The following BPIFC variants were observed in gnomAD, a reference collection of about 807,000 sequenced individuals.
The protein encoded by BPIFC is BPI fold containing family C, also known as BPI fold-containing family C protein.
Under a neutral mutation model 57.6 loss-of-function variants are expected in BPIFC, and 60 were observed. The observed-to-expected ratio is 1.04, with a 90% CI of 0.85 to 1.29. BPIFC has a LOEUF of 1.29. Ranked by LOEUF, BPIFC falls within the 50% of genes most tolerant of loss-of-function variation. The pLI, the probability that BPIFC is intolerant of heterozygous loss-of-function variation, is 0.00. For missense variants in BPIFC, 581 were observed against 600.5 expected, an observed-to-expected ratio of 0.97 and a Z score of 0.34; for synonymous variants, 243 against 224.5, an observed-to-expected ratio of 1.08 and a Z score of -0.74.
At chr22:32,416,303 G>A (rs1296056581) in intron 15 of BPIFC, among the ~76,000 whole-genome samples, 4 of 152,000 alleles carry the variant, frequency 2.6e-5, no homozygotes, top group South Asian at 2.1e-4. Context: ...GGCGTGTCTC[G>A]AACTCCTGAC....
chr22:32,431,439 A>ATTTATTTTTTTT, intron 12 of BPIFC, 25 bp from the exon 13 acceptor site: 2 of 1,343,068 alleles, frequency 1.5e-6, no homozygotes, highest in Non-Finnish European at 2.1e-6. Context: ...AGCATTTATT[A>ATTTATTTTTTTT]TTAAGACGAG....
rs938065223 is a variant in BPIFC, at chr22:32,433,790, T to C, written c.925-18A>G. ...TTGGAAATCTGGAAAATAAAGCCCATTATGTCACTGTTAGGATTTTACGTG... is the reference window on the plus strand; with the variant it reads ...TTGGAAATCTGGAAAATAAAGCCCACTATGTCACTGTTAGGATTTTACGTG... On this transcript the variant is annotated intron_variant, in intron 10 of 16. Coordinates refer to ENST00000300399, the MANE Select transcript of BPIFC (RefSeq NM_174932.3). 7 of 1,609,724 alleles carry C rather than the reference T, an allele frequency of 4.3e-6. No homozygotes were observed. The highest frequency in any genetic ancestry group is 6.0e-6 in the Non-Finnish European group (7 of 1,176,114).
intron 14 of BPIFC, among the ~76,000 whole-genome samples, chr22:32,417,480 G>A (rs1049915705): frequency 3.9e-5 from 6 of 152,126 alleles, no homozygotes; most frequent in African/African-American, 1.4e-4. Context: ...GCCAATCATG[G>A]GTGCTTCGAA....
chr22:32,419,813 A>G (rs1465274132), intron 13 of BPIFC, among the ~76,000 whole-genome samples: 1 of 151,178 alleles, frequency 6.6e-6, no homozygotes, highest in African/African-American at 2.4e-5. Context: ...CAAAAAAAAA[A>G]AAAAAAAAAA....
Position 32,435,789 on chromosome 22 carries a change from A to G in BPIFC, c.839T>C (p.Ile280Thr), listed in dbSNP as rs927652052. Residue 280 changes from isoleucine to threonine, a missense_variant, in exon 10 of 17, where the codon ATT becomes ACT. Transcript: ENST00000300399. Reference protein sequence around the residue: ...LPERSNSMLYIGIAEYFFKSA... With the variant: ...LPERSNSMLYTGIAEYFFKSA... ...TTTAAAGAAATACTCGGCGATTCCAATGTAGAGCATGGAGTTGCTGCGTTC... is the reference window on the plus strand; with the variant it reads ...TTTAAAGAAATACTCGGCGATTCCAGTGTAGAGCATGGAGTTGCTGCGTTC... 1 of 1,614,188 alleles carries G rather than the reference A, an allele frequency of 6.2e-7. No homozygotes were observed. Among genetic ancestry groups the G allele is most frequent in the Non-Finnish European group, 8.5e-7 (1 of 1,180,018 alleles).
intron 10 of BPIFC, among the ~76,000 whole-genome samples, chr22:32,434,376 T>C (rs540047579): frequency 6.7e-6 from 1 of 148,980 alleles, no homozygotes; most frequent in South Asian, 2.1e-4. Flanking sequence ...ACATATTCTT[T>C]ATTTATATAT....
At chr22:32,423,569 AGGGTGT>A (rs1244715810) in intron 13 of BPIFC, among the ~76,000 whole-genome samples, 4 of 98,448 alleles carry the variant, frequency 4.1e-5, no homozygotes, top group East Asian at 2.6e-4. Flanking sequence ...GAGGAGTTGT[AGGGTGT>A]GGGTGTGTGT....
chr22:32,421,277 G>T (rs1933839654), intron 13 of BPIFC, among the ~76,000 whole-genome samples: 1 of 152,172 alleles, frequency 6.6e-6, no homozygotes, highest in Admixed American at 6.5e-5. Flanking sequence ...ATACTATGAA[G>T]AAATAGTAAT....
chr22:32,427,397 C>A (rs1044141284), intron 13 of BPIFC, among the ~76,000 whole-genome samples: 2 of 152,144 alleles, frequency 1.3e-5, no homozygotes, highest in African/African-American at 2.4e-5. Context: ...TCCTTGAGAT[C>A]CTGCCAGTAA....
rs1381197876 is a variant in BPIFC, at chr22:32,437,811, G to A, written c.696C>T (p.Ser232=). The A allele has an allele frequency of 6.2e-7, 1 of 1,612,450 alleles. No individual in the cohort carries two copies. The highest frequency in any genetic ancestry group is 1.1e-5 in the South Asian group (1 of 91,022). ...CAGTAATTTCTGGAGAACTGATTAGGGAGTAATCCAGCAGAGTGTAGTTGT... is the reference window on the plus strand; with the variant it reads ...CAGTAATTTCTGGAGAACTGATTAGAGAGTAATCCAGCAGAGTGTAGTTGT... ...KIDNYTLLDY[S]LISSPEITEN... The change falls in exon 9 of 17, where the codon TCC becomes TCT. Residue 232 remains serine (S), a synonymous_variant. Coordinates refer to ENST00000300399, the MANE Select transcript of BPIFC (RefSeq NM_174932.3).
rs1223346653 is a variant in BPIFC at position 32,424,600 on chromosome 22, T to TCTTCTTCTTCTTCTCCTC, written c.1218-5197_1218-5196insGAGGAGAAGAAGAAGAAG. On this transcript the variant is annotated intron_variant, in intron 13 of 16. Transcript: ENST00000300399. ...TTCTTCTTCTTCTTCTTCTTCTTCT[T>TCTTCTTCTTCTTCTCCTC]CTCCTCCTCCTCCTCCTCCTCCTCC... Among the ~76,000 whole-genome samples the TCTTCTTCTTCTTCTCCTC allele has an allele frequency of 5.1e-5, 4 of 78,604 alleles. No individual in the cohort carries two copies. The East Asian group carries it at 1.6e-3, about 32-fold the overall frequency. The allele number at this position is 78,604 out of a possible 152,430, so 51.6% of individuals were successfully genotyped here.
chr22:32,434,573 CT>C (rs1437773133), intron 10 of BPIFC, among the ~76,000 whole-genome samples: 1 of 151,616 alleles, frequency 6.6e-6, no homozygotes, highest in Admixed American at 6.6e-5. Flanking sequence ...ATATTACAAT[CT>C]ATCTATGTAT....
At chr22:32,424,618 C>G (rs909401744) in intron 13 of BPIFC, among the ~76,000 whole-genome samples, 1 of 42,596 alleles carries the variant, frequency 2.3e-5, no homozygotes, top group Non-Finnish European at 4.2e-5. Context: ...TCCTCCTCCT[C>G]CTCCTCCTCC....
intron 1 of BPIFC, among the ~76,000 whole-genome samples, chr22:32,461,896 G>C (rs186933323): frequency 6.6e-6 from 1 of 152,116 alleles, no homozygotes; most frequent in Non-Finnish European, 1.5e-5. Context: ...AAAATAGGCC[G>C]GGCGTGGTGG....
intron 9 of BPIFC, among the ~76,000 whole-genome samples, chr22:32,436,681 A>C (rs1454488155): frequency 6.6e-6 from 1 of 152,198 alleles, no homozygotes; most frequent in Non-Finnish European, 1.5e-5. Context: ...ATTTAGCTGG[A>C]AGGACAACTC....
At position 32,413,991 on chromosome 22, in the gene BPIFC, G is replaced by C. The variant is rs1430611351; in HGVS notation, c.*312C>G. 5.1e-6 allele frequency: 1 copy of C among 196,072 alleles called. No homozygotes were observed. The highest frequency in any genetic ancestry group is 1.4e-4 in the East Asian group (1 of 7,310). 12.1% of individuals were successfully genotyped at this position (196,072 alleles called of 1,614,324 possible). ...AATGACCAATACAAATACAGACTTA[G>C]AGTTGCTTACCCACCTGGTCAGAAG... On this transcript the variant is annotated 3_prime_UTR_variant, in exon 17 of 17. Coordinates refer to ENST00000300399, the MANE Select transcript of BPIFC (RefSeq NM_174932.3).
chr22:32,424,419 A>G (rs1305306206), intron 13 of BPIFC, among the ~76,000 whole-genome samples: 3 of 152,062 alleles, frequency 2.0e-5, no homozygotes, highest in Admixed American at 6.5e-5. Context: ...TTTCAGCACA[A>G]CCAGTTCCAG....
intron 8 of BPIFC, among the ~76,000 whole-genome samples, chr22:32,440,284 G>A (rs376411409): frequency 3.3e-5 from 5 of 151,014 alleles, no homozygotes; most frequent in South Asian, 2.1e-4. Context: ...AAAGGCGCAC[G>A]CCACCATGCC....
Position 32,453,490 on chromosome 22 carries a change from T to C in BPIFC, c.138A>G (p.Gly46=). ...QRALDYGVQA[G]MKMIEQMLKE... ...TTAGCATTTGCTCAATCATCTTCAT[T>C]CCAGCTTGAACACCTGTGAAGGAAA... The change falls in exon 4 of 17, where the codon GGA becomes GGG. Residue 46 remains glycine (G), a synonymous_variant. Transcript: ENST00000300399. 6.3e-7 allele frequency: 1 copy of C among 1,599,624 alleles called. No homozygotes were observed.
Sources: allele counts gnomAD v4.1 joint callset (sites outside exome capture counted in the v4.1 genomes callset), GRCh38; gene constraint gnomAD v4.1.1; transcripts MANE v1.5; gene names NCBI Gene and HGNC (gene_info 2026-07-23, HGNC 2026-07-21).